ETV6: variants seen among roughly 807,000 people sequenced by gnomAD.
ETV6 encodes ETS variant transcription factor 6, also known as transcription factor ETV6.
ETV6 carries 16 observed loss-of-function variants against 51.1 expected under a neutral mutation model. The observed-to-expected ratio is 0.31, with a 90% CI of 0.21 to 0.48. ETV6 has a LOEUF of 0.48. Among genes scored for constraint, ETV6 ranks in the 20% least tolerant of loss-of-function variants. The pLI is 0.99. For synonymous variants in ETV6, 240 were observed against 224.1 expected, an observed-to-expected ratio of 1.07 and a Z score of -0.64; for missense variants, 458 against 594.8, an observed-to-expected ratio of 0.77 and a Z score of 2.39.
intron 5 of ETV6, among the ~76,000 whole-genome samples, chr12:11,881,659 G>C (rs1947096525): frequency 1.3e-5 from 2 of 152,192 alleles, no homozygotes; most frequent in Non-Finnish European, 2.9e-5. Context: ...CCTCCCAAAG[G>C]TACCTTGGTA....
chr12:11,859,941 T>G (rs1946690500), intron 4 of ETV6, among the ~76,000 whole-genome samples: 1 of 152,170 alleles, frequency 6.6e-6, no homozygotes, highest in African/African-American at 2.4e-5. Context: ...TTCATAATAT[T>G]AAAAACTCAT....
chr12:11,678,249 A>G lies in ETV6; in HGVS notation c.33+28089A>G, dbSNP rs772421773. Reference sequence around the variant, plus strand: ...CAAATCTCGGCAATATCACGCTCCAATTTGAAGGCTGTAAGTGTGTGCTGC... The same window carrying G: ...CAAATCTCGGCAATATCACGCTCCAGTTTGAAGGCTGTAAGTGTGTGCTGC... On this transcript the variant is annotated intron_variant, in intron 1 of 7. Coordinates refer to ENST00000396373, the MANE Select transcript of ETV6 (RefSeq NM_001987.5). Among the ~76,000 whole-genome samples the G allele has an allele frequency of 7.2e-5, 11 of 152,320 alleles. No homozygotes were observed. The South Asian group carries it at 2.3e-3, about 32-fold the overall frequency.
At chr12:11,859,426 C>G (rs761042427) in intron 4 of ETV6, among the ~76,000 whole-genome samples, 1 of 152,068 alleles carries the variant, frequency 6.6e-6, no homozygotes, top group Non-Finnish European at 1.5e-5. Context: ...CAAGCATGAG[C>G]CACCACACCC....
rs1296001805 is a variant in ETV6, at chr12:11,869,288, A to T, written c.464-136A>T. 1.3e-6 allele frequency: 1 copy of T among 742,690 alleles called. No individual in the cohort carries two copies. Among genetic ancestry groups the T allele is most frequent in the Non-Finnish European group, 2.2e-6 (1 of 455,114 alleles). The allele number at this position is 742,690 out of a possible 1,614,324, so 46.0% of individuals were successfully genotyped here. ...CCTTCAAATTGTTAAGCAGTGAAAA[A>T]GACACTGCATTCTGGGGAGAAAGGT... On this transcript the variant is annotated intron_variant, in intron 4 of 7. Coordinates refer to ENST00000396373, the MANE Select transcript of ETV6 (RefSeq NM_001987.5). This position sits in a 1 kb window ranked among gnomAD's most constrained non-coding sequence, Gnocchi z 5.0.
intron 5 of ETV6, among the ~76,000 whole-genome samples, chr12:11,881,739 T>G (rs986706735): frequency 1.3e-5 from 2 of 152,204 alleles, no homozygotes; most frequent in African/African-American, 4.8e-5. Context: ...ATCTCTATTT[T>G]CCCTTTATAG....
intron 3 of ETV6, among the ~76,000 whole-genome samples, chr12:11,849,116 T>TTTG (rs1284145353): frequency 6.6e-6 from 1 of 152,034 alleles, no homozygotes; most frequent in Non-Finnish European, 1.5e-5. Context: ...GCGTTGTTTG[T>TTTG]TTGTTTGTTT....
intron 1 of ETV6, among the ~76,000 whole-genome samples, chr12:11,751,108 C>T (rs1014880492): frequency 3.3e-5 from 5 of 152,092 alleles, no homozygotes; most frequent in African/African-American, 1.2e-4. Context: ...TATAGCAATT[C>T]CATTCGGAAA....
chr12:11,831,483 C>T (rs1157194123), intron 2 of ETV6, among the ~76,000 whole-genome samples: 1 of 152,188 alleles, frequency 6.6e-6, no homozygotes, highest in African/African-American at 2.4e-5. Context: ...CCTTGGCCTC[C>T]CAAAGTGCTG....
intron 4 of ETV6, 151 bp downstream of exon 4, chr12:11,853,712 T>G (rs1946591564): frequency 1.1e-6 from 1 of 888,142 alleles, no homozygotes; most frequent in East Asian, 2.6e-5. Context: ...AATACACTCT[T>G]GGTTCCCTGA....
chr12:11,742,990 T>C (rs1865838931), intron 1 of ETV6, among the ~76,000 whole-genome samples: 1 of 152,108 alleles, frequency 6.6e-6, no homozygotes, highest in African/African-American at 2.4e-5. Context: ...ATATTTTTTG[T>C]AGAGACGGGG....
intron 1 of ETV6, among the ~76,000 whole-genome samples, chr12:11,691,917 T>C (rs1864773337): frequency 6.6e-6 from 1 of 152,254 alleles, no homozygotes; most frequent in African/African-American, 2.4e-5. Context: ...AGAATGTTTG[T>C]GGGAAGCACA....
At chr12:11,728,197 C>T (rs983216429) in intron 1 of ETV6, among the ~76,000 whole-genome samples, 1 of 152,200 alleles carries the variant, frequency 6.6e-6, no homozygotes, top group Non-Finnish European at 1.5e-5. Flanking sequence ...CTGTCTACTC[C>T]TTCTTCAAGC....
intron 1 of ETV6, among the ~76,000 whole-genome samples, chr12:11,735,586 T>C (rs1865689325): frequency 6.6e-6 from 1 of 152,060 alleles, no homozygotes; most frequent in Non-Finnish European, 1.5e-5. Flanking sequence ...TCACTTACGA[T>C]GATGATGATG....
intron 1 of ETV6, among the ~76,000 whole-genome samples, chr12:11,714,958 A>G (rs1379250376): frequency 1.3e-5 from 2 of 152,182 alleles, no homozygotes; most frequent in Admixed American, 1.3e-4. Context: ...AAGGAAGACC[A>G]TGGGCCCATC....
chr12:11,889,953 G>T (rs1947262060), intron 7 of ETV6, among the ~76,000 whole-genome samples: 1 of 152,048 alleles, frequency 6.6e-6, no homozygotes, highest in Non-Finnish European at 1.5e-5. Flanking sequence ...CAACCAGGCT[G>T]CCTTCCTGAG....
chr12:11,757,774 C>T (rs1390267278), intron 2 of ETV6, among the ~76,000 whole-genome samples: 4 of 152,192 alleles, frequency 2.6e-5, no homozygotes, highest in East Asian at 1.9e-4. Context: ...GGACTGGGAC[C>T]GGTGTGGTTC....
At chr12:11,823,847 T>A (rs1378842854) in intron 2 of ETV6, among the ~76,000 whole-genome samples, 2 of 152,190 alleles carry the variant, frequency 1.3e-5, no homozygotes, top group Non-Finnish European at 2.9e-5. Flanking sequence ...TCAGCCCCCC[T>A]TGACTGCCAG....
chr12:11,823,469 C>CTTTTTTTTTTTTT (rs756553588), intron 2 of ETV6, among the ~76,000 whole-genome samples: 1 of 137,572 alleles, frequency 7.3e-6, no homozygotes, highest in African/African-American at 2.7e-5. Flanking sequence ...TCCTTTTTTT[C>CTTTTTTTTTTTTT]TTTTTTTTTT....
At chr12:11,650,534 A>C (rs1863885765) in intron 1 of ETV6, among the ~76,000 whole-genome samples, 2 of 144,864 alleles carry the variant, frequency 1.4e-5, no homozygotes, top group African/African-American at 2.6e-5. Flanking sequence ...CTATTCCTAC[A>C]CCCAACATGT....
Sources: gnomAD v4.1 joint callset for allele counts (sites outside exome capture counted in the v4.1 genomes callset) on GRCh38, gnomAD v4.1.1 for gene constraint, Gnocchi (gnomAD v3.1) non-coding constraint, MANE v1.5 for transcripts, NCBI Gene and HGNC (gene_info 2026-07-23, HGNC 2026-07-21) for gene names.